The following MED13L variants were observed in gnomAD, a reference collection of about 807,000 sequenced individuals.
The protein encoded by MED13L is mediator of RNA polymerase II transcription subunit 13-like.
Under a neutral mutation model 220.9 loss-of-function variants are expected in MED13L, and 7 were observed. That is an observed-to-expected ratio of 0.03 (90% CI 0.02 to 0.06). The LOEUF (loss-of-function observed/expected upper bound fraction) is 0.06, where lower values mean the gene tolerates loss of function less well. Ranked by LOEUF, MED13L falls within the 10% of genes least tolerant of loss-of-function variation. The pLI, the probability that MED13L is intolerant of heterozygous loss-of-function variation, is 1.00. For missense variants in MED13L, 1,965 were observed against 2,760.5 expected (o/e 0.71, Z 6.46); for synonymous variants, 1,011 against 1,015.2 (o/e 1.00, Z 0.08).
chr12:116,249,409 A>G (rs1210005279), intron 1 of MED13L, among the ~76,000 whole-genome samples: 1 of 152,186 alleles, frequency 6.6e-6, no homozygotes, highest in Non-Finnish European at 1.5e-5. Flanking sequence ...AAAGGAAGGA[A>G]ATAAAATCCA....
At chr12:116,247,237 T>TA (rs34866444) in intron 1 of MED13L, among the ~76,000 whole-genome samples, 2,520 of 145,034 alleles carry the variant, frequency 0.017, 61 homozygotes, top group African/African-American at 0.055. Flanking sequence ...AGCTCTGCTT[T>TA]AAAAAAAAAA....
chr12:116,235,902 G>C (rs1038903297), intron 2 of MED13L, among the ~76,000 whole-genome samples: 1 of 151,946 alleles, frequency 6.6e-6, no homozygotes, highest in Admixed American at 6.6e-5. Flanking sequence ...AAGCTAAAAC[G>C]TAAGAGATTA....
intron 2 of MED13L, among the ~76,000 whole-genome samples, chr12:116,159,477 T>C (rs1268182653): frequency 1.3e-5 from 2 of 152,168 alleles, no homozygotes; most frequent in East Asian, 3.8e-4. Flanking sequence ...TTATATATAA[T>C]TAGACTTAGA....
At chr12:116,100,324 C>T (rs2137834418) in intron 3 of MED13L, among the ~76,000 whole-genome samples, 1 of 151,948 alleles carries the variant, frequency 6.6e-6, no homozygotes, top group East Asian at 1.9e-4. Flanking sequence ...ATTGGCTGGG[C>T]ACAGTGGCTC....
intron 4 of MED13L, among the ~76,000 whole-genome samples, chr12:116,027,723 A>T (rs930505200): frequency 1.3e-5 from 2 of 152,198 alleles, no homozygotes; most frequent in African/African-American, 2.4e-5. Flanking sequence ...TTTGTAATCC[A>T]ACATACAAGT....
chr12:116,001,582 G>T (rs1592934846), intron 14 of MED13L, among the ~76,000 whole-genome samples: 1 of 152,084 alleles, frequency 6.6e-6, no homozygotes. Context: ...CATTTCTTGG[G>T]AGGAAATACT....
chr12:116,207,411 G>A (rs1383795135), intron 2 of MED13L, among the ~76,000 whole-genome samples: 2 of 152,148 alleles, frequency 1.3e-5, no homozygotes, highest in African/African-American at 4.8e-5. Flanking sequence ...ATAAAGCCCA[G>A]ATGTATATAG....
At chr12:116,045,002 A>G (rs1420423582) in intron 4 of MED13L, among the ~76,000 whole-genome samples, 1 of 152,194 alleles carries the variant, frequency 6.6e-6, no homozygotes, top group Non-Finnish European at 1.5e-5. Context: ...AAAAAAGGGT[A>G]TAGTAAGAGA....
chr12:116,159,384 A>C (rs1878686956), intron 2 of MED13L, among the ~76,000 whole-genome samples: 2 of 152,206 alleles, frequency 1.3e-5, no homozygotes, highest in Admixed American at 6.6e-5. Context: ...AAGTGGACAG[A>C]AAAAGAAGCA....
At chr12:116,216,038 T>C (rs185648479) in intron 2 of MED13L, among the ~76,000 whole-genome samples, 7 of 152,304 alleles carry the variant, frequency 4.6e-5, no homozygotes, top group Non-Finnish European at 7.4e-5. Flanking sequence ...CTCTTCTCTT[T>C]ATTACAACCT....
chr12:116,066,148 C>T (rs1869908271), intron 4 of MED13L, among the ~76,000 whole-genome samples: 1 of 152,178 alleles, frequency 6.6e-6, no homozygotes, highest in African/African-American at 2.4e-5. Context: ...CACAGAGTTC[C>T]ATTTCCTTCT....
In MED13L at chr12:115,959,341, T is replaced by A. The variant is rs1177003860; in HGVS notation, c.*1925A>T. The A allele has an allele frequency of 6.6e-6, 1 of 152,396 alleles. No homozygotes were observed. The highest frequency in any genetic ancestry group is 1.5e-5 in the Non-Finnish European group (1 of 68,008). The allele number at this position is 152,396 out of a possible 1,614,324, so 9.4% of individuals were successfully genotyped here. ...GTTTTTTTTCTTTTTCTGCTTAGAA[T>A]TGGGTTTCTAGGGAAGAAAAGCCCC... On this transcript the variant is annotated 3_prime_UTR_variant, in exon 31 of 31. Transcript: ENST00000281928.
chr12:116,040,960 G>A (rs1881489572), intron 4 of MED13L, among the ~76,000 whole-genome samples: 1 of 152,186 alleles, frequency 6.6e-6, no homozygotes, highest in Non-Finnish European at 1.5e-5. Flanking sequence ...CCATGGGAAA[G>A]TGCTTCTCAA....
At chr12:116,113,686 G>C (rs1317874990) in intron 2 of MED13L, among the ~76,000 whole-genome samples, 1 of 140,824 alleles carries the variant, frequency 7.1e-6, no homozygotes, top group Non-Finnish European at 1.5e-5. Flanking sequence ...AGGAGGGAGG[G>C]AGGGAGACAG....
At chr12:116,219,953 T>C (rs926750729) in intron 2 of MED13L, among the ~76,000 whole-genome samples, 4 of 151,980 alleles carry the variant, frequency 2.6e-5, no homozygotes, top group Non-Finnish European at 5.9e-5. Context: ...CGCACCACCA[T>C]GCCCAGCTAA....
chr12:116,031,582 ACT>A (rs1230931879), intron 4 of MED13L, among the ~76,000 whole-genome samples: 1 of 122,546 alleles, frequency 8.2e-6, no homozygotes, highest in African/African-American at 3.1e-5. Flanking sequence ...ACAGAGCGAG[ACT>A]CTGTCCAAAA....
Position 115,959,143 on chromosome 12 carries a change from CATA to C in MED13L, c.*2120_*2122del, listed in dbSNP as rs1269398995. ...ATACAGACTTTTTCACACAGAAGTA[CATA>C]ATAAGATTTTTTAAAATCTATTGCC... On this transcript the variant is annotated 3_prime_UTR_variant, in exon 31 of 31. Transcript: ENST00000281928. 11 of 152,568 alleles carry C rather than the reference CATA, an allele frequency of 7.2e-5. No homozygotes were observed. The highest frequency in any genetic ancestry group is 2.1e-4 in the South Asian group (1 of 4,826). 9.5% of individuals were successfully genotyped at this position (152,568 alleles called of 1,614,324 possible).
intron 2 of MED13L, among the ~76,000 whole-genome samples, chr12:116,227,318 A>G (rs550509799): frequency 5.4e-4 from 83 of 152,352 alleles, no homozygotes; most frequent in African/African-American, 2.0e-3. Context: ...ATGTAATTCC[A>G]GCTTATCAAC....
At chr12:116,014,770 T>C (rs10507266) in intron 8 of MED13L, among the ~76,000 whole-genome samples, 8,418 of 152,242 alleles carry the variant, frequency 0.055, 301 homozygotes, top group Non-Finnish European at 0.08. Flanking sequence ...CATTCATACA[T>C]TGATATGCAA....
Sources: allele counts gnomAD v4.1 joint callset (sites outside exome capture counted in the v4.1 genomes callset), GRCh38; gene constraint gnomAD v4.1.1; transcripts MANE v1.5; gene names NCBI Gene and HGNC (gene_info 2026-07-23, HGNC 2026-07-21).